The following LMCD1 variants were observed in gnomAD, a reference collection of about 807,000 sequenced individuals.
LMCD1 encodes LIM and cysteine-rich domains protein 1.
Under a neutral mutation model 42.7 loss-of-function variants are expected in LMCD1, and 32 were observed. That is an observed-to-expected ratio of 0.75 (90% CI 0.57 to 1.01). The LOEUF (loss-of-function observed/expected upper bound fraction) is 1.01, where lower values mean the gene tolerates loss of function less well. LMCD1 is among the 50% of genes least tolerant of loss of function. LMCD1 has a pLI of 0.00. For missense variants in LMCD1, 458 were observed against 483.1 expected (o/e 0.95, Z 0.49); for synonymous variants, 178 against 184.9 (o/e 0.96, Z 0.30).
At chr3:8,526,238 TGTGTGAGTTGAGAAAAAC>T (rs1202919542) in intron 1 of LMCD1, among the ~76,000 whole-genome samples, 1 of 152,214 alleles carries the variant, frequency 6.6e-6, no homozygotes, top group Non-Finnish European at 1.5e-5. Context: ...ATTTTACATT[TGTGTGAGTTGAGAAAAAC>T]GTGTGAGGGC....
chr3:8,523,611 T>C (rs1574953139), intron 1 of LMCD1, among the ~76,000 whole-genome samples: 2 of 152,224 alleles, frequency 1.3e-5, no homozygotes, highest in South Asian at 2.1e-4. Context: ...TTCCCAAAGC[T>C]TGGGGAGGTG....
At chr3:8,505,273 C>T (rs1435836108) in intron 1 of LMCD1, among the ~76,000 whole-genome samples, 1 of 152,210 alleles carries the variant, frequency 6.6e-6, no homozygotes, top group Non-Finnish European at 1.5e-5. Flanking sequence ...AAGACAATGA[C>T]CAAATGCTGT....
chr3:8,505,773 C>T (rs903703970), intron 1 of LMCD1, among the ~76,000 whole-genome samples: 3 of 152,228 alleles, frequency 2.0e-5, no homozygotes, highest in African/African-American at 7.2e-5. Context: ...CTTTCCTGTC[C>T]TTCAGGCTAG....
intron 1 of LMCD1, among the ~76,000 whole-genome samples, chr3:8,521,729 T>C (rs1694208749): frequency 6.6e-6 from 1 of 152,232 alleles, no homozygotes; most frequent in Non-Finnish European, 1.5e-5. Flanking sequence ...CTATCTTGGC[T>C]AGCAGAGCAC....
chr3:8,535,448 A>C (rs1231709889), intron 2 of LMCD1, among the ~76,000 whole-genome samples: 1 of 152,170 alleles, frequency 6.6e-6, no homozygotes, highest in African/African-American at 2.4e-5. Context: ...ATTGCAGCCC[A>C]CTGAATGTGA....
intron 3 of LMCD1, among the ~76,000 whole-genome samples, chr3:8,539,683 A>G (rs1264205677): frequency 6.6e-6 from 1 of 152,134 alleles, no homozygotes; most frequent in Non-Finnish European, 1.5e-5. Context: ...GCTGGCTCAT[A>G]AAACCACATG....
chr3:8,504,663 A>C (rs149446935), intron 1 of LMCD1, among the ~76,000 whole-genome samples: 3,539 of 152,340 alleles, frequency 0.023, 67 homozygotes, highest in Non-Finnish European at 0.035. Flanking sequence ...CAAGTTCCCT[A>C]ACTTCTCTCT....
chr3:8,554,430 G>T (rs750426335), intron 4 of LMCD1, among the ~76,000 whole-genome samples: 23 of 152,204 alleles, frequency 1.5e-4, no homozygotes, highest in Non-Finnish European at 2.9e-5. Flanking sequence ...AGGGTGGGCA[G>T]CCGTGTATGG....
intron 1 of LMCD1, among the ~76,000 whole-genome samples, chr3:8,502,980 T>G (rs1021705846): frequency 1.3e-5 from 2 of 152,142 alleles, no homozygotes; most frequent in Non-Finnish European, 2.9e-5. Flanking sequence ...TCCCTGCCAC[T>G]TTTTAACTGC....
intron 4 of LMCD1, chr3:8,551,328 G>A: frequency 1.0e-6 from 1 of 985,436 alleles, no homozygotes; most frequent in Non-Finnish European, 1.2e-6. Context: ...TGGCCAATTT[G>A]CCTAGGCGGA....
intron 2 of LMCD1, among the ~76,000 whole-genome samples, chr3:8,536,539 T>C (rs1055676516): frequency 6.6e-6 from 1 of 152,210 alleles, no homozygotes; most frequent in Non-Finnish European, 1.5e-5. Flanking sequence ...CACAAATTTC[T>C]TGAAGAAAAT....
At chr3:8,548,097 A>G (rs147471044) in intron 3 of LMCD1, among the ~76,000 whole-genome samples, 127 of 152,340 alleles carry the variant, frequency 8.3e-4, no homozygotes, top group Middle Eastern at 3.4e-3. Flanking sequence ...AAAATAGAGT[A>G]TGATAATCTT....
chr3:8,514,768 T>C (rs1213904160), intron 1 of LMCD1, among the ~76,000 whole-genome samples: 2 of 152,250 alleles, frequency 1.3e-5, no homozygotes, highest in Admixed American at 6.5e-5. Flanking sequence ...ACACACCGTG[T>C]AATTTCATTT....
chr3:8,568,934 C>A lies in LMCD1; in HGVS notation c.*1336C>A, dbSNP rs895379012. 2 of 152,168 alleles carry A rather than the reference C, an allele frequency of 1.3e-5. No individual in the cohort carries two copies. The highest frequency in any genetic ancestry group is 6.5e-5 in the Admixed American group (1 of 15,272). 9.4% of individuals were successfully genotyped at this position (152,168 alleles called of 1,614,324 possible). On this transcript the variant is annotated 3_prime_UTR_variant, in exon 6 of 6. Transcript: ENST00000157600. ...CTCTGACCATCTCGTACCTAGAAAA[C>A]CCCCATTCATGTGCTTTATAAGTTT...
chr3:8,505,401 G>A lies in LMCD1; in HGVS notation c.42+3421G>A, dbSNP rs117097570. Among the ~76,000 whole-genome samples the A allele has an allele frequency of 7.9e-5, 12 of 152,306 alleles. No individual in the cohort carries two copies. The East Asian group carries it at 2.1e-3, about 27-fold the overall frequency. ...TTGGAGTTATATAATGTTAGGCCTC[G>A]AAGGGGACTTGGAGTGCCTTACTTT... On this transcript the variant is annotated intron_variant, in intron 1 of 5. Coordinates refer to ENST00000157600, the MANE Select transcript of LMCD1 (RefSeq NM_014583.4).
chr3:8,502,556 G>A lies in LMCD1; in HGVS notation c.42+576G>A, dbSNP rs188612308. On this transcript the variant is annotated intron_variant, in intron 1 of 5. Coordinates refer to ENST00000157600, the MANE Select transcript of LMCD1 (RefSeq NM_014583.4). Reference sequence around the variant, plus strand: ...TTTTGCTATTATCCCAGTGTTTTGTGTGTTTCCCCCAATACACACACACAC... The same window carrying A: ...TTTTGCTATTATCCCAGTGTTTTGTATGTTTCCCCCAATACACACACACAC... 2.2e-3 allele frequency among the ~76,000 whole-genome samples: 296 copies of A among 137,316 alleles called. 4 individuals carry two copies. The highest frequency in any genetic ancestry group is 8.1e-3 in the African/African-American group (286 of 35,388). 90.1% of individuals were successfully genotyped at this position (137,316 alleles called of 152,430 possible).
intron 4 of LMCD1, 69 bp from the exon 5 acceptor site, chr3:8,565,363 G>A: frequency 7.2e-7 from 1 of 1,395,280 alleles, no homozygotes; most frequent in Non-Finnish European, 1.0e-6. Flanking sequence ...GCTGGAGCTG[G>A]AATTCGAACC....
chr3:8,558,757 A>G (rs1387903193), intron 4 of LMCD1, among the ~76,000 whole-genome samples: 1 of 152,216 alleles, frequency 6.6e-6, no homozygotes, highest in Non-Finnish European at 1.5e-5. Context: ...AGGAATTCAA[A>G]TGAGCCTTTG....
chr3:8,547,966 T>C (rs2125031617), intron 3 of LMCD1, among the ~76,000 whole-genome samples: 1 of 152,314 alleles, frequency 6.6e-6, no homozygotes, highest in South Asian at 2.1e-4. Flanking sequence ...GTATAGCCTA[T>C]TGCTCCTAGG....
Sources: allele counts gnomAD v4.1 joint callset (sites outside exome capture counted in the v4.1 genomes callset), GRCh38; gene constraint gnomAD v4.1.1; transcripts MANE v1.5; gene names NCBI Gene and HGNC (gene_info 2026-07-23, HGNC 2026-07-21).